Variants in FAM98A observed in about 807,000 individuals in gnomAD.
The protein encoded by FAM98A is tRNA splicing ligase complex subunit 3A, also known as protein FAM98A.
In FAM98A, 25 loss-of-function variants were observed where a neutral mutation model predicts 62.9. That is an observed-to-expected ratio of 0.40 (90% CI 0.29 to 0.56). The LOEUF (loss-of-function observed/expected upper bound fraction) is 0.56. Ranked by LOEUF, FAM98A falls within the 20% of genes least tolerant of loss-of-function variation. The pLI is 0.51. For missense variants in FAM98A, 653 were observed against 640.7 expected (o/e 1.02, Z -0.21); for synonymous variants, 252 against 228.6 (o/e 1.10, Z -0.92).
At chr2:33,585,874 G>C (rs1437686168) in intron 6 of FAM98A, among the ~76,000 whole-genome samples, 177 bp from the exon 7 acceptor site, 1 of 152,174 alleles carries the variant, frequency 6.6e-6, no homozygotes, top group Non-Finnish European at 1.5e-5. Flanking sequence ...TACCTTAAAA[G>C]TACAGCTGCC....
rs765842903 is a variant in FAM98A at position 33,585,256 on chromosome 2, C to T, written c.1077G>A (p.Gly359=). 3 of 1,614,106 alleles carry T rather than the reference C, an allele frequency of 1.9e-6. No homozygotes were observed. Among genetic ancestry groups the T allele is most frequent in the Middle Eastern group, 1.7e-4 (1 of 6,060 alleles). ...GGTCATAGCCACCACGTCCACCTCT[C>T]CCGCCTCCTTGTTCATGACCTCCTC... is the stretch of plus-strand genomic sequence containing the variant. The part of the protein sequence containing the change: ...GGRGGHEQGG[G]RGGRGGYDHG... Residue 359 remains glycine, a synonymous_variant, in exon 8 of 8, where the codon GGG becomes GGA. Coordinates refer to ENST00000238823, the MANE Select transcript of FAM98A (RefSeq NM_015475.5).
intron 1 of FAM98A, among the ~76,000 whole-genome samples, chr2:33,596,886 C>T (rs1327289104): frequency 5.8e-5 from 5 of 85,856 alleles, no homozygotes; most frequent in African/African-American, 2.3e-4. Context: ...AGCAAGACTC[C>T]GTATCAAAAA....
chr2:33,595,587 G>T lies in FAM98A; in HGVS notation c.104C>A (p.Ala35Asp), dbSNP rs1488447982. ...GGTAAACTCGGGGGAACTGGCTCCA[G>T]CAGAGACTGCCTGAGAGAGCGCTCC... The part of the protein sequence containing the change: ...EDGALSQAVS[A>D]GASSPEFTKL... Residue 35 changes from alanine to aspartate, a missense_variant, in exon 2 of 8, where the codon GCT becomes GAT. Coordinates refer to ENST00000238823, the MANE Select transcript of FAM98A (RefSeq NM_015475.5). The T allele has an allele frequency of 3.1e-6, 5 of 1,606,364 alleles. No individual in the cohort carries two copies. In the South Asian group the frequency reaches 3.3e-5, roughly 11 times the overall value.
In FAM98A at chr2:33,584,744, T is replaced by G; in HGVS notation, c.*32A>C. The G allele has an allele frequency of 3.8e-4, 584 of 1,527,382 alleles. No individual in the cohort carries two copies. Among genetic ancestry groups the G allele is most frequent in the Non-Finnish European group, 4.8e-4 (537 of 1,125,368 alleles). The allele number at this position is 1,527,382 out of a possible 1,614,324, so 94.6% of individuals were successfully genotyped here. On this transcript the variant is annotated 3_prime_UTR_variant, in exon 8 of 8. Coordinates refer to ENST00000238823, the MANE Select transcript of FAM98A (RefSeq NM_015475.5). ...ATTCTGAAACTAAGTTTCTATTACT[T>G]GAGCTCTAGCAAAATGTAAGGTTCG...
At position 33,594,608 on chromosome 2, in the gene FAM98A, CACACATATATAT is replaced by C. The variant is rs1558550413; in HGVS notation, c.202+869_202+880del. 2.0e-4 allele frequency among the ~76,000 whole-genome samples: 24 copies of C among 117,870 alleles called. 2 individuals carry two copies. The highest frequency in any genetic ancestry group is 7.7e-4 in the African/African-American group (20 of 26,076). The allele number at this position is 117,870 out of a possible 152,430, so 77.3% of individuals were successfully genotyped here. A position where few individuals can be genotyped will look rare whatever the true frequency, so the allele number is the denominator to read the frequency against. ...ACACACACACACACACACATACATA[CACACATATATAT>C]ATACACACATATATATACACATATA... is the stretch of plus-strand genomic sequence containing the variant. On this transcript the variant is annotated intron_variant, in intron 2 of 7. Coordinates refer to ENST00000238823, the MANE Select transcript of FAM98A (RefSeq NM_015475.5).
intron 4 of FAM98A, among the ~76,000 whole-genome samples, chr2:33,587,818 G>A (rs1677590125): frequency 1.3e-5 from 2 of 151,454 alleles, no homozygotes; most frequent in African/African-American, 2.4e-5. Flanking sequence ...AACTGATAAT[G>A]TGTGGTATAA....
Position 33,584,633 on chromosome 2 carries a change from T to G in FAM98A, c.*143A>C. ...AATAAAAAAATCTAACAGAATTGAA[T>G]GAAGACCTACAAATGCTTATGCCAA... On this transcript the variant is annotated 3_prime_UTR_variant, in exon 8 of 8. Transcript: ENST00000238823. The G allele has an allele frequency of 1.4e-6, 1 of 701,966 alleles. No homozygotes were observed. Among genetic ancestry groups the G allele is most frequent in the Non-Finnish European group, 2.4e-6 (1 of 409,684 alleles). The allele number at this position is 701,966 out of a possible 1,614,324, so 43.5% of individuals were successfully genotyped here. A position where few individuals can be genotyped will look rare whatever the true frequency, so the allele number is the denominator to read the frequency against.
At chr2:33,595,174 C>T (rs1677780021) in intron 2 of FAM98A, among the ~76,000 whole-genome samples, 1 of 152,166 alleles carries the variant, frequency 6.6e-6, no homozygotes, top group Admixed American at 6.5e-5. Flanking sequence ...AGCCATCAAT[C>T]TAGGATCTTA....
At position 33,585,431 on chromosome 2, in the gene FAM98A, C is replaced by CT; in HGVS notation, c.901dup (p.Arg301LysfsTer4). On this transcript the variant is annotated frameshift_variant, in exon 8 of 8. Coordinates refer to ENST00000238823, the MANE Select transcript of FAM98A (RefSeq NM_015475.5). LOFTEE classifies it high-confidence loss of function. ...GGGTCTACCACCTCTGTCAGGCACCCTGCCCATCAACACCTACAGAATAGG... is the reference window on the plus strand; with the variant it reads ...GGGTCTACCACCTCTGTCAGGCACCCTTGCCCATCAACACCTACAGAATAGG... 6.2e-7 allele frequency: 1 copy of CT among 1,614,128 alleles called. No homozygotes were observed. The highest frequency in any genetic ancestry group is 1.1e-5 in the South Asian group (1 of 91,074).
chr2:33,594,967 T>C (rs2151147065), intron 2 of FAM98A, among the ~76,000 whole-genome samples: 1 of 152,336 alleles, frequency 6.6e-6, no homozygotes, highest in South Asian at 2.1e-4. Context: ...AGAACAGCTC[T>C]CAGATCCATA....
At chr2:33,594,204 T>C (rs1213971674) in intron 2 of FAM98A, among the ~76,000 whole-genome samples, 1 of 152,184 alleles carries the variant, frequency 6.6e-6, no homozygotes, top group African/African-American at 2.4e-5. Context: ...GTTGCTATCA[T>C]TACTGTTACA....
In FAM98A at chr2:33,592,225, T is replaced by A; in HGVS notation, c.203-11A>T. ...CAGCTTCACTCGGACCTTTTAAGAA[T>A]TAAAATAATCTTATTTAATGATAGT... On this transcript the variant is annotated splice_polypyrimidine_tract_variant and intron_variant, in intron 2 of 7. Transcript: ENST00000238823. The A allele has an allele frequency of 6.3e-7, 1 of 1,593,884 alleles. No homozygotes were observed. The highest frequency in any genetic ancestry group is 8.6e-7 in the Non-Finnish European group (1 of 1,167,002).
intron 5 of FAM98A, 98 bp downstream of exon 5, chr2:33,587,142 G>A: frequency 1.3e-6 from 1 of 769,594 alleles, no homozygotes; most frequent in Non-Finnish European, 2.2e-6. Flanking sequence ...CTATGTATAA[G>A]AAAACATAAT....
At chr2:33,593,052 T>C (rs1041255383) in intron 2 of FAM98A, among the ~76,000 whole-genome samples, 3 of 152,192 alleles carry the variant, frequency 2.0e-5, no homozygotes, top group African/African-American at 7.2e-5. Flanking sequence ...GGCTGAAACT[T>C]CACCCTCGTA....
rs768753547 is a variant in FAM98A, at chr2:33,599,217, T to G, written c.5A>C (p.Glu2Ala). Residue 2 changes from glutamate (E) to alanine (A), a missense_variant, in exon 1 of 8, where the codon GAG (glutamate) becomes GCG (alanine). Physicochemically the swap from Glu to Ala is moderately radical, Grantham distance 107. Transcript: ENST00000238823. M[E>A]CDLMETDILE... is the part of the protein sequence containing the mutation. Reference sequence around the variant, plus strand: ...GATGTCAGTCTCCATGAGGTCACACTCCATGCTACTGTGGTATTCAAATTT... The same window carrying G: ...GATGTCAGTCTCCATGAGGTCACACGCCATGCTACTGTGGTATTCAAATTT... 6.2e-7 allele frequency: 1 copy of G among 1,613,628 alleles called. No homozygotes were observed. The highest frequency in any genetic ancestry group is 8.5e-7 in the Non-Finnish European group (1 of 1,179,510).
chr2:33,599,247 G>C lies in FAM98A; in HGVS notation c.-26C>G, dbSNP rs117250519. 250 of 1,602,884 alleles carry C rather than the reference G, an allele frequency of 1.6e-4. No individual in the cohort carries two copies. In the East Asian group the frequency reaches 5.0e-3, roughly 32 times the overall value. ...GCTACTGTGGTATTCAAATTTCCGA[G>C]TCGTCAGGCTCCCCTCTTCGCCGGC... On this transcript the variant is annotated 5_prime_UTR_variant, in exon 1 of 8. Transcript: ENST00000238823.
intron 1 of FAM98A, among the ~76,000 whole-genome samples, chr2:33,598,965 C>T (rs929189926): frequency 6.6e-6 from 1 of 151,970 alleles, no homozygotes. Flanking sequence ...CTGGGCAGGC[C>T]TAGGGGTGTT....
intron 4 of FAM98A, chr2:33,587,608 T>C (rs1677585081): frequency 2.6e-6 from 1 of 379,114 alleles, no homozygotes. Context: ...ATATGGACTA[T>C]GGATACACTG....
chr2:33,592,295 T>G (rs752735869), intron 2 of FAM98A, 81 bp from the exon 3 acceptor site: 5 of 1,144,726 alleles, frequency 4.4e-6, no homozygotes, highest in Non-Finnish European at 5.0e-6. Flanking sequence ...ATAATTGAAA[T>G]TGTTAATAGG....
Sources: gnomAD v4.1 joint callset for allele counts (sites outside exome capture counted in the v4.1 genomes callset) on GRCh38, gnomAD v4.1.1 for gene constraint, MANE v1.5 for transcripts, NCBI Gene and HGNC (gene_info 2026-07-23, HGNC 2026-07-21) for gene names.